Variants in DGKI observed in about 807,000 individuals in gnomAD.
DGKI encodes the protein diacylglycerol kinase iota.
In DGKI, 55 loss-of-function variants were observed where a neutral mutation model predicts 147.5. The ratio of observed to expected loss-of-function variants is 0.37; its 90% CI spans 0.30 to 0.47. The LOEUF is 0.47. Among genes scored for constraint, DGKI ranks in the 20% least tolerant of loss-of-function variants. The pLI is 1.00. For synonymous variants in DGKI, 469 were observed against 477.1 expected (o/e 0.98, Z 0.22); for missense variants, 1,007 against 1,323.8 (o/e 0.76, Z 3.71).
intron 28 of DGKI, among the ~76,000 whole-genome samples, chr7:137,416,083 AAG>A (rs201042151): frequency 4.1e-4 from 62 of 152,280 alleles, no homozygotes; most frequent in African/African-American, 1.5e-3. Flanking sequence ...AGTTAATAAA[AAG>A]AGAGAGAGAG....
intron 2 of DGKI, among the ~76,000 whole-genome samples, chr7:137,685,700 A>C (rs1823392469): frequency 6.6e-6 from 1 of 152,126 alleles, no homozygotes; most frequent in African/African-American, 2.4e-5. Context: ...CCAGTGTCAG[A>C]GGGGGCAGCT....
intron 1 of DGKI, among the ~76,000 whole-genome samples, chr7:137,724,177 C>G (rs1156700939): frequency 6.6e-6 from 1 of 151,920 alleles, no homozygotes; most frequent in African/African-American, 2.4e-5. Flanking sequence ...CAGGTAACAG[C>G]CAGAAAGTGG....
intron 26 of DGKI, among the ~76,000 whole-genome samples, chr7:137,465,699 A>G (rs1349429381): frequency 2.0e-5 from 3 of 152,228 alleles, no homozygotes; most frequent in Non-Finnish European, 4.4e-5. Flanking sequence ...TGATGGGGAA[A>G]GAGGCTTGGA....
intron 1 of DGKI, among the ~76,000 whole-genome samples, chr7:137,779,859 T>C (rs1008578639): frequency 6.6e-6 from 1 of 152,198 alleles, no homozygotes; most frequent in Non-Finnish European, 1.5e-5. Flanking sequence ...ATTTGAAATT[T>C]ATCAGTATAA....
In DGKI at chr7:137,597,006, T is replaced by C. The variant is rs958213463; in HGVS notation, c.1311+841A>G. Among the ~76,000 whole-genome samples the C allele has an allele frequency of 3.9e-5, 6 of 152,348 alleles. No homozygotes were observed. The South Asian group carries it at 1.2e-3, about 32-fold the overall frequency. On this transcript the variant is annotated intron_variant, in intron 12 of 32. Coordinates refer to ENST00000614521, the MANE Select transcript of DGKI (RefSeq NM_001321708.2). ...CTAAATGTCATGATTCTCAATTCTT[T>C]ACTTTGTTAAATATATCACCATAAG...
At position 137,414,805 on chromosome 7, in the gene DGKI, T is replaced by C. The variant is rs140725547; in HGVS notation, c.2762-2598A>G. ...ACAATGCTCTCAACTGGAGTCTAAT[T>C]CTAATCGCTACAATTTATTGGACAC... On this transcript the variant is annotated intron_variant, in intron 28 of 32. Transcript: ENST00000614521. 6.6e-5 allele frequency among the ~76,000 whole-genome samples: 10 copies of C among 152,316 alleles called. No individual in the cohort carries two copies. In the East Asian group the frequency reaches 1.2e-3, roughly 18 times the overall value.
intron 8 of DGKI, among the ~76,000 whole-genome samples, chr7:137,618,587 T>C (rs1820633392): frequency 6.6e-6 from 1 of 151,928 alleles, no homozygotes; most frequent in East Asian, 1.9e-4. Flanking sequence ...TTTAACTGAA[T>C]GAATGTTTAA....
chr7:137,457,166 G>A (rs1013445179), intron 27 of DGKI, among the ~76,000 whole-genome samples: 2 of 152,146 alleles, frequency 1.3e-5, no homozygotes, highest in African/African-American at 4.8e-5. Context: ...TCAAAGGTAA[G>A]CAGGGATGTC....
At chr7:137,499,229 AAC>A (rs1408877622) in intron 21 of DGKI, among the ~76,000 whole-genome samples, 1 of 152,170 alleles carries the variant, frequency 6.6e-6, no homozygotes, top group Non-Finnish European at 1.5e-5. Flanking sequence ...ATCCCAGTAG[AAC>A]AGTGAGGGGT....
intron 20 of DGKI, among the ~76,000 whole-genome samples, chr7:137,547,742 A>G (rs938043100): frequency 4.6e-5 from 7 of 152,190 alleles, no homozygotes; most frequent in Non-Finnish European, 7.3e-5. Flanking sequence ...TGAATCAATG[A>G]TTACACTATT....
At chr7:137,652,256 C>T (rs1391189839) in intron 5 of DGKI, among the ~76,000 whole-genome samples, 1 of 152,066 alleles carries the variant, frequency 6.6e-6, no homozygotes, top group East Asian at 1.9e-4. Flanking sequence ...ATATCCAAAA[C>T]CCTTATGGAA....
Position 137,499,399 on chromosome 7 carries a change from A to G in DGKI, c.2249-11710T>C, listed in dbSNP as rs368073571. Among the ~76,000 whole-genome samples, 12 of 152,212 alleles carry G rather than the reference A, an allele frequency of 7.9e-5. No individual in the cohort carries two copies. In the South Asian group the frequency reaches 2.3e-3, roughly 29 times the overall value. The stretch of plus-strand genomic sequence containing the variant: ...ACACTCAGATAGCTGGTAAAACACA[A>G]TTTCTGGCTGTGTCTGTGAGAGTGT... On this transcript the variant is annotated intron_variant, in intron 21 of 32. Transcript: ENST00000614521.
intron 1 of DGKI, among the ~76,000 whole-genome samples, chr7:137,738,282 T>G (rs544466338): frequency 6.6e-6 from 1 of 152,090 alleles, no homozygotes; most frequent in Non-Finnish European, 1.5e-5. Context: ...TTAGCTGCTG[T>G]GCTATACTGA....
intron 1 of DGKI, among the ~76,000 whole-genome samples, chr7:137,830,987 T>A (rs986893495): frequency 3.9e-5 from 6 of 152,206 alleles, no homozygotes; most frequent in Admixed American, 2.0e-4. Context: ...AGAGTTGTTG[T>A]GAGAATTAAA....
chr7:137,440,792 T>C (rs1485412201), intron 28 of DGKI, among the ~76,000 whole-genome samples: 1 of 152,220 alleles, frequency 6.6e-6, no homozygotes, highest in Non-Finnish European at 1.5e-5. Context: ...GTGACCCTGA[T>C]GCGCTATTAT....
intron 1 of DGKI, among the ~76,000 whole-genome samples, chr7:137,706,576 T>A (rs956475087): frequency 1.0e-4 from 15 of 150,296 alleles, no homozygotes; most frequent in South Asian, 6.3e-4. Context: ...TATTTTTATT[T>A]TTATTTTTTT....
intron 27 of DGKI, among the ~76,000 whole-genome samples, chr7:137,450,214 G>T (rs1813897547): frequency 6.6e-6 from 1 of 152,088 alleles, no homozygotes; most frequent in Non-Finnish European, 1.5e-5. Flanking sequence ...GAGATTTATG[G>T]TATAGCATGC....
intron 27 of DGKI, among the ~76,000 whole-genome samples, chr7:137,461,463 A>G (rs1585136404): frequency 6.6e-6 from 1 of 152,356 alleles, no homozygotes; most frequent in African/African-American, 2.4e-5. Flanking sequence ...ATGATGTCTG[A>G]AGGAAATAAA....
rs190413593 is a variant in DGKI at position 137,500,553 on chromosome 7, A to G, written c.2249-12864T>C. On this transcript the variant is annotated intron_variant, in intron 21 of 32. Coordinates refer to ENST00000614521, the MANE Select transcript of DGKI (RefSeq NM_001321708.2). ...TAAAAAACTTTTAAAGTCTATATAC[A>G]CCAAGATAAAACATAACAAAATATA... is the stretch of plus-strand genomic sequence containing the variant. Among the ~76,000 whole-genome samples, 171 of 152,316 alleles carry G rather than the reference A, an allele frequency of 1.1e-3. 1 individual carries two copies. Among genetic ancestry groups the G allele is most frequent in the African/African-American group, 3.6e-3 (150 of 41,568 alleles).
Sources: gnomAD v4.1 joint callset for allele counts (sites outside exome capture counted in the v4.1 genomes callset) on GRCh38, gnomAD v4.1.1 for gene constraint, MANE v1.5 for transcripts, NCBI Gene and HGNC (gene_info 2026-07-23, HGNC 2026-07-21) for gene names.